The following SVIL variants were observed in gnomAD, a reference collection of about 807,000 sequenced individuals.
SVIL encodes supervillin.
Under a neutral mutation model 240.4 loss-of-function variants are expected in SVIL, and 101 were observed. That is an observed-to-expected ratio of 0.42 (90% CI 0.36 to 0.50). SVIL has a LOEUF of 0.50. Ranked by LOEUF, SVIL falls within the 20% of genes least tolerant of loss-of-function variation. SVIL has a pLI of 0.01. For missense variants in SVIL, 2,512 were observed against 2,818.7 expected, an observed-to-expected ratio of 0.89 and a Z score of 2.46; for synonymous variants, 999 against 1,100.0, an observed-to-expected ratio of 0.91 and a Z score of 1.82.
intron 2 of SVIL, among the ~76,000 whole-genome samples, chr10:29,673,361 CTT>C (rs957948079): frequency 6.8e-6 from 1 of 146,746 alleles, no homozygotes; most frequent in African/African-American, 2.5e-5. Flanking sequence ...ATAATGAATA[CTT>C]TTTTTTTTTA....
chr10:29,679,997 T>C (rs1470433822), intron 2 of SVIL, among the ~76,000 whole-genome samples: 1 of 151,518 alleles, frequency 6.6e-6, no homozygotes, highest in Non-Finnish European at 1.5e-5. Flanking sequence ...CTCGGCAATA[T>C]AGCGAGATCC....
At position 29,488,382 on chromosome 10, in the gene SVIL, C is replaced by T. The variant is rs2031770; in HGVS notation, c.4348+219G>A. Among the ~76,000 whole-genome samples the T allele has an allele frequency of 0.081, 12,290 of 152,184 alleles. 517 individuals are homozygous for T. Among genetic ancestry groups the T allele is most frequent in the Admixed American group, 0.12 (1,869 of 15,284 alleles). On this transcript the variant is annotated intron_variant, in intron 23 of 37. Transcript: ENST00000355867. ...AGCTGCTGGGACTCCAGACACGTTC[C>T]TGCCTCTGGAAGCCCTGGTGGGCAG...
At chr10:29,657,367 A>G (rs1959037097) in intron 3 of SVIL, among the ~76,000 whole-genome samples, 3 of 152,192 alleles carry the variant, frequency 2.0e-5, no homozygotes, top group Admixed American at 2.0e-4. Flanking sequence ...ACACCCATCA[A>G]GATTCACAAA....
intron 17 of SVIL, among the ~76,000 whole-genome samples, chr10:29,506,971 C>T (rs1235235148): frequency 6.6e-6 from 1 of 152,130 alleles, no homozygotes; most frequent in Non-Finnish European, 1.5e-5. Context: ...GGACATTCCA[C>T]GGTGAAATAA....
chr10:29,679,930 C>T (rs578247958), intron 2 of SVIL, among the ~76,000 whole-genome samples: 2 of 151,634 alleles, frequency 1.3e-5, no homozygotes, highest in South Asian at 2.1e-4. Flanking sequence ...CACCTGTAAT[C>T]CCAGCACTTT....
chr10:29,687,224 T>G (rs1393986939), intron 1 of SVIL, among the ~76,000 whole-genome samples: 2 of 152,244 alleles, frequency 1.3e-5, no homozygotes, highest in African/African-American at 4.8e-5. Context: ...TAATGTCAAT[T>G]ACAAGCTTAT....
At chr10:29,652,018 A>AAC (rs57155637) in intron 3 of SVIL, among the ~76,000 whole-genome samples, 33,684 of 149,850 alleles carry the variant, frequency 0.22, 3,938 homozygotes, top group East Asian at 0.3. Context: ...CACACACACA[A>AAC]ACACACACAC....
Position 29,533,238 on chromosome 10 carries a change from C to T in SVIL, c.1129G>A (p.Ala377Thr), listed in dbSNP as rs142262993. The T allele has an allele frequency of 6.1e-5, 99 of 1,614,086 alleles. No individual in the cohort carries two copies. In the African/African-American group the frequency reaches 7.2e-4, roughly 12 times the overall value. ...YVQPADTGHT[A>T]KLVTPETPEN... ...GGGGTTTCTGGCGTCACTAGCTTGG[C>T]GGTGTGACCGGTATCTGCGGGTTGG... Residue 377 changes from alanine (A) to threonine (T), a missense_variant, in exon 8 of 38, where the codon GCC (alanine) becomes ACC (threonine). By Grantham distance (58) the Ala-to-Thr change is moderately conservative. Around this residue, in one of 3 missense-constraint regions of SVIL, gnomAD observed 1,443 missense variants for 1,486.6 expected, o/e 0.97. Transcript: ENST00000355867.
rs768773986 is a variant in SVIL at position 29,531,249 on chromosome 10, C to T, written c.2044+5G>A. On this transcript the variant is annotated splice_donor_5th_base_variant and intron_variant, in intron 10 of 37. Transcript: ENST00000355867. ...AGAAGAAAAAAAAGGGAAACAGGTA[C>T]TTGCCATCGACAGTTGGCGTTTCTG... 2 of 1,613,722 alleles carry T rather than the reference C, an allele frequency of 1.2e-6. No homozygotes were observed. The highest frequency in any genetic ancestry group is 8.5e-7 in the Non-Finnish European group (1 of 1,179,864).
At chr10:29,509,198 C>T (rs541548380) in intron 17 of SVIL, among the ~76,000 whole-genome samples, 11 of 151,746 alleles carry the variant, frequency 7.2e-5, no homozygotes, top group Admixed American at 1.3e-4. Context: ...ATATATGCTA[C>T]GAGACTCACA....
At chr10:29,653,604 G>C (rs1251371458) in intron 3 of SVIL, among the ~76,000 whole-genome samples, 1 of 151,444 alleles carries the variant, frequency 6.6e-6, no homozygotes, top group Non-Finnish European at 1.5e-5. Context: ...TTGTCCTTTT[G>C]GTATCATATC....
rs1217833178 is a variant in SVIL at position 29,522,591 on chromosome 10, C to A, written c.3208G>T (p.Ala1070Ser). The change falls in exon 16 of 38, where the codon GCT becomes TCT. Residue 1070 changes from alanine (A) to serine (S), a missense_variant. Ala to Ser is a moderately conservative substitution (Grantham distance 99). Transcript: ENST00000355867. ...GTGGTTTGAGCAATAGTTTTCCCAG[C>A]AGCTGTCCCCGTCTGCTCGGAAGTG... ...EPTSEQTGTA[A>S]GKTIAQTTAP... 6.2e-7 allele frequency: 1 copy of A among 1,614,092 alleles called. No homozygotes were observed. Among genetic ancestry groups the A allele is most frequent in the African/African-American group, 1.3e-5 (1 of 74,926 alleles).
intron 16 of SVIL, among the ~76,000 whole-genome samples, chr10:29,517,562 A>C (rs1482665331): frequency 2.0e-5 from 3 of 152,198 alleles, no homozygotes; most frequent in African/African-American, 2.4e-5. Context: ...AAGAACCTGG[A>C]GTTTGTGGAG....
At chr10:29,652,018 AAC>A (rs57155637) in intron 3 of SVIL, among the ~76,000 whole-genome samples, 20 of 149,788 alleles carry the variant, frequency 1.3e-4, no homozygotes, top group African/African-American at 2.7e-4. Flanking sequence ...CACACACACA[AAC>A]ACACACACAC....
At chr10:29,564,484 A>AG (rs35852674) in intron 2 of SVIL, among the ~76,000 whole-genome samples, 1 of 150,874 alleles carries the variant, frequency 6.6e-6, no homozygotes. Context: ...TGACCTCCAG[A>AG]GGGGGAAAAG....
At chr10:29,557,008 G>T (rs1369447819) in intron 3 of SVIL, among the ~76,000 whole-genome samples, 1 of 152,072 alleles carries the variant, frequency 6.6e-6, no homozygotes, top group East Asian at 1.9e-4. Flanking sequence ...CCCTAACTGA[G>T]AAATAGAAAA....
At chr10:29,507,681 C>T in intron 17 of SVIL, 2 of 857,684 alleles carry the variant, frequency 2.3e-6, no homozygotes, top group Non-Finnish European at 2.8e-6. Context: ...AACAGAAGTT[C>T]TTTTCCTATT....
At chr10:29,542,826 A>G (rs1952286654) in intron 6 of SVIL, among the ~76,000 whole-genome samples, 1 of 152,194 alleles carries the variant, frequency 6.6e-6, no homozygotes, top group Non-Finnish European at 1.5e-5. Flanking sequence ...CCTATGACAT[A>G]GGGTGCCTGT....
At chr10:29,695,315 T>C (rs546206879) in intron 1 of SVIL, among the ~76,000 whole-genome samples, 141 of 152,308 alleles carry the variant, frequency 9.3e-4, no homozygotes, top group East Asian at 8.9e-3. Context: ...AAAGTACTTA[T>C]TGGGTACAAT....
Sources: allele counts gnomAD v4.1 joint callset (sites outside exome capture counted in the v4.1 genomes callset), GRCh38; gene constraint gnomAD v4.1.1; regional missense constraint gnomAD v4.1.1; transcripts MANE v1.5; gene names NCBI Gene and HGNC (gene_info 2026-07-23, HGNC 2026-07-21).